Variants in GLS2 observed in about 807,000 individuals in gnomAD.
GLS2 encodes glutaminase 2, also known as glutaminase liver isoform, mitochondrial.
Under a neutral mutation model 79.0 loss-of-function variants are expected in GLS2, and 52 were observed. That is an observed-to-expected ratio of 0.66 (90% CI 0.53 to 0.83). The LOEUF (loss-of-function observed/expected upper bound fraction) is 0.83, where lower values mean the gene tolerates loss of function less well. Ranked by LOEUF, GLS2 falls within the 40% of genes least tolerant of loss-of-function variation. GLS2 has a pLI of 0.00. For missense variants in GLS2, 561 were observed against 764.8 expected (o/e 0.73, Z 3.14); for synonymous variants, 238 against 280.8 (o/e 0.85, Z 1.52).
intron 7 of GLS2, 188 bp from the exon 8 acceptor site, chr12:56,476,165 CT>C (rs34325581): frequency 4.0e-5 from 21 of 531,212 alleles, no homozygotes; most frequent in African/African-American, 5.9e-5. Context: ...CTTTCTCTTT[CT>C]TTTTTTTGAG....
intron 1 of GLS2, among the ~76,000 whole-genome samples, chr12:56,486,696 C>T (rs1400020426): frequency 1.3e-5 from 2 of 152,000 alleles, no homozygotes; most frequent in Non-Finnish European, 2.9e-5. Context: ...CAAAAAGTAG[C>T]GGGTTGTGGT....
chr12:56,478,465 A>G (rs1870019043), intron 4 of GLS2: 1 of 577,694 alleles, frequency 1.7e-6, no homozygotes, highest in Non-Finnish European at 3.1e-6. Flanking sequence ...GCAATCCTGT[A>G]GAGATAGCAG....
chr12:56,472,117 A>T lies in GLS2; in HGVS notation c.1588+2T>A, dbSNP rs763338300. 2 of 1,613,992 alleles carry T rather than the reference A, an allele frequency of 1.2e-6. No individual in the cohort carries two copies. Among genetic ancestry groups the T allele is most frequent in the African/African-American group, 2.7e-5 (2 of 74,916 alleles). ...CTCCTCCCCTCCTTAACCCTTCAGT[A>T]CCTTCAGCTGCAGCAACATGCAGAG... On this transcript the variant is annotated splice_donor_variant, in intron 16 of 17. Transcript: ENST00000311966. LOFTEE classifies it high-confidence loss of function.
intron 1 of GLS2, chr12:56,487,730 G>T: frequency 1.6e-6 from 1 of 606,744 alleles, no homozygotes; most frequent in Non-Finnish European, 2.8e-6. Context: ...GGACCCGCTT[G>T]CCCGAACGCA....
Position 56,483,013 on chromosome 12 carries a change from C to T in GLS2, c.183-2626G>A, listed in dbSNP as rs375397027. 2.6e-4 allele frequency among the ~76,000 whole-genome samples: 40 copies of T among 152,214 alleles called. 2 individuals are homozygous for T. The East Asian group carries it at 4.4e-3, about 17-fold the overall frequency. Reference sequence around the variant, plus strand: ...CAGTGATTTATTCTACAGGTATACTCACACACCTCAAAAATAACATATTTA... The same window carrying T: ...CAGTGATTTATTCTACAGGTATACTTACACACCTCAAAAATAACATATTTA... On this transcript the variant is annotated intron_variant, in intron 1 of 17. Coordinates refer to ENST00000311966, the MANE Select transcript of GLS2 (RefSeq NM_013267.4).
chr12:56,471,483 G>A lies in GLS2; in HGVS notation c.*4C>T, dbSNP rs1869252306. 6.2e-7 allele frequency: 1 copy of A among 1,611,388 alleles called. No individual in the cohort carries two copies. The highest frequency in any genetic ancestry group is 1.7e-4 in the Middle Eastern group (1 of 6,008). ...CTTGAGCAGGGGCTGTCCATGACCT[G>A]TGCTCATACCATGCTTTCTAAGTTC... is the stretch of plus-strand genomic sequence containing the variant. On this transcript the variant is annotated 3_prime_UTR_variant, in exon 18 of 18. Coordinates refer to ENST00000311966, the MANE Select transcript of GLS2 (RefSeq NM_013267.4).
rs373850631 is a variant in GLS2, at chr12:56,471,815, A to T, written c.1610T>A (p.Phe537Tyr). 1.9e-5 allele frequency: 31 copies of T among 1,613,962 alleles called. No homozygotes were observed. Among genetic ancestry groups the T allele is most frequent in the Non-Finnish European group, 2.5e-5 (30 of 1,180,024 alleles). Reference sequence around the variant, plus strand: ...ATTCACTTTGCAAGCCTCGATCAGGAATTTAACAACTTCGATGTGTCCTAG... The same window carrying T: ...ATTCACTTTGCAAGCCTCGATCAGGTATTTAACAACTTCGATGTGTCCTAG... The part of the protein sequence containing the change: ...AAEGHIEVVK[F>Y]LIEACKVNPF... The change falls in exon 17 of 18, where the codon TTC becomes TAC. Residue 537 changes from phenylalanine (F) to tyrosine (Y), a missense_variant. Coordinates refer to ENST00000311966, the MANE Select transcript of GLS2 (RefSeq NM_013267.4).
At chr12:56,483,386 C>T (rs781548774) in intron 1 of GLS2, among the ~76,000 whole-genome samples, 12 of 151,968 alleles carry the variant, frequency 7.9e-5, no homozygotes, top group Non-Finnish European at 1.8e-4. Flanking sequence ...GCCCTCATCA[C>T]ACTGTTAGTA....
chr12:56,474,419 T>C, intron 12 of GLS2, 125 bp downstream of exon 12: 3 of 1,186,438 alleles, frequency 2.5e-6, no homozygotes, highest in Non-Finnish European at 3.6e-6. Flanking sequence ...CTCAACCTAA[T>C]TGCCTTCCTG....
Position 56,474,893 on chromosome 12 carries a change from A to G in GLS2, c.1000T>C (p.Phe334Leu). 6.2e-7 allele frequency: 1 copy of G among 1,614,162 alleles called. No homozygotes were observed. The highest frequency in any genetic ancestry group is 8.5e-7 in the Non-Finnish European group (1 of 1,180,024). The part of the protein sequence containing the change: ...IGYYLKEKKC[F>L]PKGVDMMAAL... ...GCCATCATGTCCACCCCCTTAGGAAAGCACTGCAAGGAAGAGAGGGGAGAG... is the reference window on the plus strand; with the variant it reads ...GCCATCATGTCCACCCCCTTAGGAAGGCACTGCAAGGAAGAGAGGGGAGAG... Residue 334 changes from phenylalanine (F) to leucine (L), a missense_variant, in exon 11 of 18, where the codon TTT (phenylalanine) becomes CTT (leucine). Transcript: ENST00000311966.
rs1427602782 is a variant in GLS2 at position 56,478,013 on chromosome 12, A to C, written c.698T>G (p.Leu233Arg). Residue 233 changes from leucine to arginine, a missense_variant, in exon 6 of 18, where the codon CTA becomes CGA. By Grantham distance (102) the Leu-to-Arg change is moderately radical. Transcript: ENST00000311966. ...PLTYAISIST[L>R]GTDYVHKFVG... The stretch of plus-strand genomic sequence containing the variant: ...AAACTTGTGCACGTAGTCAGTGCCT[A>C]GGGTGCTTATGGAGATGGCATAGGT... 2 of 1,614,108 alleles carry C rather than the reference A, an allele frequency of 1.2e-6. No individual in the cohort carries two copies. The highest frequency in any genetic ancestry group is 4.5e-5 in the East Asian group (2 of 44,896).
intron 1 of GLS2, among the ~76,000 whole-genome samples, chr12:56,486,419 G>C (rs1870690338): frequency 6.6e-6 from 1 of 152,204 alleles, no homozygotes; most frequent in Non-Finnish European, 1.5e-5. Flanking sequence ...TGAATACCTG[G>C]GGGGAAGTTG....
chr12:56,473,627 G>A (rs971926109), intron 12 of GLS2, 33 bp from the exon 13 acceptor site: 2 of 1,584,630 alleles, frequency 1.3e-6, no homozygotes, highest in African/African-American at 2.7e-5. Flanking sequence ...AGGATAAAGT[G>A]GGTGTGCCCC....
chr12:56,480,221 C>T (rs1870172235), intron 2 of GLS2, 67 bp downstream of exon 2: 3 of 1,388,270 alleles, frequency 2.2e-6, no homozygotes, highest in Non-Finnish European at 3.0e-6. Flanking sequence ...ACTTGTCATA[C>T]CCTCCTTTCC....
chr12:56,479,077 T>C lies in GLS2; in HGVS notation c.509A>G (p.Asp170Gly). 1 of 1,612,426 alleles carries C rather than the reference T, an allele frequency of 6.2e-7. No homozygotes were observed. Among genetic ancestry groups the C allele is most frequent in the Non-Finnish European group, 8.5e-7 (1 of 1,179,420 alleles). Residue 170 changes from aspartate to glycine, a missense_variant, in exon 4 of 18, where the codon GAT becomes GGT. Transcript: ENST00000311966. The stretch of plus-strand genomic sequence containing the variant: ...TTTGCCTCCAGTGAGCTCTTTGACA[T>C]CCTCAAAGATGCGATCCACATGGCC... ...FTGHVDRIFE[D>G]VKELTGGKVA...
At chr12:56,472,790 T>G (rs773489074) in intron 14 of GLS2, 39 bp from the exon 15 acceptor site, 1 of 1,583,370 alleles carries the variant, frequency 6.3e-7, no homozygotes, top group Non-Finnish European at 8.7e-7. Flanking sequence ...TTAATTGAAC[T>G]CACCTATGCC....
chr12:56,484,641 G>C (rs1421365118), intron 1 of GLS2, among the ~76,000 whole-genome samples: 1 of 152,126 alleles, frequency 6.6e-6, no homozygotes. Context: ...TCTGAAGGCA[G>C]GACTCTGCCT....
chr12:56,473,366 A>G, intron 13 of GLS2, 46 bp from the exon 14 acceptor site: 1 of 1,605,266 alleles, frequency 6.2e-7, no homozygotes, highest in Non-Finnish European at 8.5e-7. Context: ...CCTTACACTT[A>G]GTAGGAGCTC....
chr12:56,478,157 C>T (rs776380129), intron 5 of GLS2, 26 bp downstream of exon 5: 2 of 1,614,236 alleles, frequency 1.2e-6, no homozygotes, highest in South Asian at 1.1e-5. Context: ...TGCCCTGCCT[C>T]CCCTTCCTCT....
Sources: allele counts gnomAD v4.1 joint callset (sites outside exome capture counted in the v4.1 genomes callset), GRCh38; gene constraint gnomAD v4.1.1; transcripts MANE v1.5; gene names NCBI Gene and HGNC (gene_info 2026-07-23, HGNC 2026-07-21).